The following TMEM178B variants were observed in gnomAD, a reference collection of about 807,000 sequenced individuals.
The protein encoded by TMEM178B is transmembrane protein 178B.
Under a neutral mutation model 31.0 loss-of-function variants are expected in TMEM178B, and 5 were observed. That is an observed-to-expected ratio of 0.16 (90% CI 0.08 to 0.34). TMEM178B has a LOEUF of 0.34. Ranked by LOEUF, TMEM178B falls within the 10% of genes least tolerant of loss-of-function variation. TMEM178B has a pLI of 1.00. For synonymous variants in TMEM178B, 164 were observed against 164.0 expected (o/e 1.00, Z 0.00); for missense variants, 275 against 400.3 (o/e 0.69, Z 2.67).
At position 141,480,366 on chromosome 7, in the gene TMEM178B, G is replaced by A. The variant is rs531509584; in HGVS notation, c.*9580G>A. 6.6e-6 allele frequency: 1 copy of A among 152,330 alleles called. No homozygotes were observed. The highest frequency in any genetic ancestry group is 2.1e-4 in the South Asian group (1 of 4,828). 9.4% of individuals were successfully genotyped at this position (152,330 alleles called of 1,614,324 possible). On this transcript the variant is annotated 3_prime_UTR_variant, in exon 4 of 4. Coordinates refer to ENST00000565468, the MANE Select transcript of TMEM178B (RefSeq NM_001195278.2). ...TAAACAATTAAATAAAGAAGATTATGTTGTGTGTTTTAAAGGATTGTGTCT... is the reference window on the plus strand; with the variant it reads ...TAAACAATTAAATAAAGAAGATTATATTGTGTGTTTTAAAGGATTGTGTCT...
Position 141,476,910 on chromosome 7 carries a change from C to G in TMEM178B, c.*6124C>G, listed in dbSNP as rs1586986981. 6.5e-6 allele frequency: 1 copy of G among 154,946 alleles called. No homozygotes were observed. Among genetic ancestry groups the G allele is most frequent in the South Asian group, 2.0e-4 (1 of 4,918 alleles). 9.6% of individuals were successfully genotyped at this position (154,946 alleles called of 1,614,324 possible). On this transcript the variant is annotated 3_prime_UTR_variant, in exon 4 of 4. Transcript: ENST00000565468. ...ATGTTCAGGTGTGAAAAACAGAAAACTGGGTCTGAACATGAAGAGTTGCAC... is the reference window on the plus strand; with the variant it reads ...ATGTTCAGGTGTGAAAAACAGAAAAGTGGGTCTGAACATGAAGAGTTGCAC...
rs574032505 is a variant in TMEM178B at position 141,256,250 on chromosome 7, A to G, written c.496+43546A>G. Among the ~76,000 whole-genome samples the G allele has an allele frequency of 2.0e-5, 3 of 152,358 alleles. No homozygotes were observed. In the East Asian group the frequency reaches 5.8e-4, roughly 29 times the overall value. ...GAAGACCATAAACAAGTAAACTTAA[A>G]TTAAAAGAAGGGATAGGGCTATGAA... On this transcript the variant is annotated intron_variant, in intron 2 of 3. Coordinates refer to ENST00000565468, the MANE Select transcript of TMEM178B (RefSeq NM_001195278.2).
intron 1 of TMEM178B, among the ~76,000 whole-genome samples, chr7:141,091,518 T>C (rs1794880038): frequency 6.6e-6 from 1 of 152,086 alleles, no homozygotes; most frequent in Non-Finnish European, 1.5e-5. Flanking sequence ...CACATATCTT[T>C]AGTGGTGTGG....
chr7:141,138,313 G>A (rs897820627), intron 1 of TMEM178B, among the ~76,000 whole-genome samples: 3 of 151,924 alleles, frequency 2.0e-5, no homozygotes, highest in East Asian at 1.9e-4. Context: ...CACCCATCTC[G>A]GCCTCCCAAA....
intron 2 of TMEM178B, chr7:141,429,795 T>C (rs1801389687): frequency 6.6e-6 from 1 of 152,244 alleles, no homozygotes. Flanking sequence ...CATCATGTTG[T>C]ACATGATAAA....
At chr7:141,452,983 C>T (rs951655637) in intron 3 of TMEM178B, among the ~76,000 whole-genome samples, 3 of 152,210 alleles carry the variant, frequency 2.0e-5, no homozygotes, top group Non-Finnish European at 2.9e-5. Context: ...TTCCAGTCAC[C>T]CCAGCGACTG....
At chr7:141,376,591 T>C (rs1800218191) in intron 2 of TMEM178B, among the ~76,000 whole-genome samples, 1 of 152,180 alleles carries the variant, frequency 6.6e-6, no homozygotes, top group Non-Finnish European at 1.5e-5. Context: ...GATATTTCAG[T>C]GTCAGGGAAT....
intron 3 of TMEM178B, among the ~76,000 whole-genome samples, chr7:141,445,070 T>C (rs1267642471): frequency 6.6e-6 from 1 of 152,180 alleles, no homozygotes; most frequent in Non-Finnish European, 1.5e-5. Flanking sequence ...GTGATCAGTG[T>C]GACCTTTTAT....
intron 1 of TMEM178B, among the ~76,000 whole-genome samples, chr7:141,151,421 G>A (rs1248785801): frequency 6.6e-6 from 1 of 152,156 alleles, no homozygotes; most frequent in Non-Finnish European, 1.5e-5. Context: ...CTGGAAAGGG[G>A]TGGATGAGGC....
At chr7:141,193,785 T>C (rs1159784455) in intron 1 of TMEM178B, among the ~76,000 whole-genome samples, 3 of 152,192 alleles carry the variant, frequency 2.0e-5, no homozygotes, top group African/African-American at 7.2e-5. Context: ...CTGAATGCCC[T>C]GCTGCCAGTT....
rs934500752 is a variant in TMEM178B, at chr7:141,472,899, G to A, written c.*2113G>A. The stretch of plus-strand genomic sequence containing the variant: ...TATCTCTCTGGTGCATTTTGTGTAC[G>A]TTTGTGTCAGTACACACCTGCACAC... On this transcript the variant is annotated 3_prime_UTR_variant, in exon 4 of 4. Transcript: ENST00000565468. The A allele has an allele frequency of 3.9e-5, 6 of 152,248 alleles. No homozygotes were observed. The highest frequency in any genetic ancestry group is 1.9e-4 in the East Asian group (1 of 5,174). The allele number at this position is 152,248 out of a possible 1,614,324, so 9.4% of individuals were successfully genotyped here.
chr7:141,266,027 C>T (rs1283686788), intron 2 of TMEM178B, among the ~76,000 whole-genome samples: 1 of 152,192 alleles, frequency 6.6e-6, no homozygotes, highest in East Asian at 1.9e-4. Flanking sequence ...TGTGGAATTC[C>T]TCCTGCTTCA....
chr7:141,192,900 G>T (rs1796720624), intron 1 of TMEM178B, among the ~76,000 whole-genome samples: 1 of 152,178 alleles, frequency 6.6e-6, no homozygotes, highest in Non-Finnish European at 1.5e-5. Flanking sequence ...AATTCCCAGG[G>T]GGGAGGCATC....
At chr7:141,224,133 G>T (rs1797301948) in intron 2 of TMEM178B, among the ~76,000 whole-genome samples, 1 of 152,128 alleles carries the variant, frequency 6.6e-6, no homozygotes, top group Admixed American at 6.5e-5. Context: ...CTTGTGTGCT[G>T]CCATGTTAAG....
chr7:141,110,962 C>G (rs1258891875), intron 1 of TMEM178B, among the ~76,000 whole-genome samples: 1 of 152,188 alleles, frequency 6.6e-6, no homozygotes, highest in African/African-American at 2.4e-5. Context: ...CACCAGAAAC[C>G]AAATGCTGCT....
At chr7:141,380,056 C>T (rs1467642619) in intron 2 of TMEM178B, among the ~76,000 whole-genome samples, 1 of 152,218 alleles carries the variant, frequency 6.6e-6, no homozygotes, top group Non-Finnish European at 1.5e-5. Context: ...TCACCACCCT[C>T]TACCCATAAA....
chr7:141,084,876 T>C (rs1563083367), intron 1 of TMEM178B, among the ~76,000 whole-genome samples: 1 of 152,166 alleles, frequency 6.6e-6, no homozygotes, highest in Non-Finnish European at 1.5e-5. Flanking sequence ...GTGTATTGTT[T>C]TGTAATTTTT....
At position 141,437,655 on chromosome 7, in the gene TMEM178B, A is replaced by G. The variant is rs1358856721; in HGVS notation, c.544A>G (p.Ile182Val). ...CTTCATGGGCATGGCGGTGGCCATC[A>G]TCCTCTTTGGCTGGATCATCGGCGT... is the stretch of plus-strand genomic sequence containing the variant. ...AGFMGMAVAI[I>V]LFGWIIGVLG... The change falls in exon 3 of 4, where the codon ATC (isoleucine) becomes GTC (valine). Residue 182 changes from isoleucine (I) to valine (V), a missense_variant. By Grantham distance (29) the Ile-to-Val change is conservative. Transcript: ENST00000565468. The G allele has an allele frequency of 6.5e-7, 1 of 1,536,138 alleles. No homozygotes were observed. Among genetic ancestry groups the G allele is most frequent in the East Asian group, 2.4e-5 (1 of 40,906 alleles).
intron 3 of TMEM178B, among the ~76,000 whole-genome samples, chr7:141,468,857 G>A (rs1018209167): frequency 6.6e-6 from 1 of 152,190 alleles, no homozygotes; most frequent in Non-Finnish European, 1.5e-5. Flanking sequence ...TTTATAGACC[G>A]GCTTGAGGTG....
Sources: allele counts gnomAD v4.1 joint callset (sites outside exome capture counted in the v4.1 genomes callset), GRCh38; gene constraint gnomAD v4.1.1; transcripts MANE v1.5; gene names NCBI Gene and HGNC (gene_info 2026-07-23, HGNC 2026-07-21).